Variants in SCP2 observed in about 807,000 individuals in gnomAD.
SCP2 encodes sterol carrier protein 2.
SCP2 carries 48 observed loss-of-function variants against 71.4 expected under a neutral mutation model. The observed-to-expected ratio is 0.67, with a 90% CI of 0.53 to 0.86. SCP2 has a LOEUF of 0.86. SCP2 is among the 40% of genes least tolerant of loss of function. The pLI, the probability that SCP2 is intolerant of heterozygous loss-of-function variation, is 0.00. For missense variants in SCP2, 560 were observed against 655.6 expected, an observed-to-expected ratio of 0.85 and a Z score of 1.59; for synonymous variants, 220 against 218.1, an observed-to-expected ratio of 1.01 and a Z score of -0.08.
At chr1:52,955,578 C>A (rs1655722898) in intron 5 of SCP2, among the ~76,000 whole-genome samples, 1 of 152,132 alleles carries the variant, frequency 6.6e-6, no homozygotes, top group Admixed American at 6.6e-5. Context: ...TAATAAATCA[C>A]AGACTAGCCC....
intron 11 of SCP2, among the ~76,000 whole-genome samples, chr1:53,006,702 T>C (rs2150217375): frequency 6.6e-6 from 1 of 152,324 alleles, no homozygotes; most frequent in East Asian, 1.9e-4. Flanking sequence ...TCATTGATGC[T>C]AGGAAGAAAC....
At chr1:52,942,408 G>C (rs1171173560) in intron 2 of SCP2, among the ~76,000 whole-genome samples, 1 of 152,066 alleles carries the variant, frequency 6.6e-6, no homozygotes, top group Non-Finnish European at 1.5e-5. Flanking sequence ...AACTAACAGG[G>C]AGAAGGATCT....
chr1:52,987,411 G>T (rs1659097805), intron 10 of SCP2, among the ~76,000 whole-genome samples: 1 of 152,168 alleles, frequency 6.6e-6, no homozygotes, highest in South Asian at 2.1e-4. Flanking sequence ...ATCGTAAATA[G>T]ATGTGGAAGA....
At chr1:52,960,598 A>ATATG (rs1352194532) in intron 5 of SCP2, among the ~76,000 whole-genome samples, 1 of 143,718 alleles carries the variant, frequency 7.0e-6, no homozygotes, top group East Asian at 2.0e-4. Context: ...GTATATGTAT[A>ATATG]TATGTATGTA....
chr1:52,948,887 T>C (rs1275853157), intron 3 of SCP2, among the ~76,000 whole-genome samples: 1 of 152,098 alleles, frequency 6.6e-6, no homozygotes, highest in East Asian at 1.9e-4. Flanking sequence ...TCGTTCATCT[T>C]ATAACTGAAA....
At chr1:52,960,522 ATG>A (rs1491178838) in intron 5 of SCP2, among the ~76,000 whole-genome samples, 12 of 124,620 alleles carry the variant, frequency 9.6e-5, no homozygotes, top group African/African-American at 3.8e-4. Flanking sequence ...GTGTGTGTAT[ATG>A]TGTGTATATA....
At chr1:52,937,203 A>G (rs896177874) in intron 1 of SCP2, among the ~76,000 whole-genome samples, 2 of 152,230 alleles carry the variant, frequency 1.3e-5, no homozygotes, top group African/African-American at 4.8e-5. Context: ...AAATAGTAGT[A>G]TAAGAAGGAT....
chr1:53,011,001 G>A (rs1490970413), intron 11 of SCP2, among the ~76,000 whole-genome samples: 2 of 152,106 alleles, frequency 1.3e-5, no homozygotes, highest in Admixed American at 1.3e-4. Context: ...CCTGTTGGGT[G>A]GTCTCTTCAC....
At chr1:53,047,972 T>A in intron 15 of SCP2, 35 bp downstream of exon 15, 2 of 1,441,866 alleles carry the variant, frequency 1.4e-6, no homozygotes, top group Non-Finnish European at 2.0e-6. Flanking sequence ...TGCTAGTAGG[T>A]AGGTCTTTCA....
chr1:53,050,362 G>C (rs572668465), intron 15 of SCP2: 308 of 446,066 alleles, frequency 6.9e-4, no homozygotes, highest in Non-Finnish European at 1.1e-3. Context: ...GGTGAAAACA[G>C]GCTCAATTTC....
At chr1:53,031,675 C>A (rs1662553820) in intron 13 of SCP2, among the ~76,000 whole-genome samples, 2 of 152,148 alleles carry the variant, frequency 1.3e-5, no homozygotes, top group South Asian at 4.2e-4. Context: ...TTTTATTTTC[C>A]CTTTAAACTC....
intron 12 of SCP2, among the ~76,000 whole-genome samples, chr1:53,023,522 C>T (rs1661895778): frequency 6.6e-6 from 1 of 152,144 alleles, no homozygotes; most frequent in African/African-American, 2.4e-5. Context: ...TCACTAAATG[C>T]TTATGATTTG....
intron 14 of SCP2, among the ~76,000 whole-genome samples, chr1:53,040,861 TGTAAGTTCC>T (rs1474557197): frequency 2.6e-5 from 4 of 152,354 alleles, no homozygotes; most frequent in East Asian, 3.8e-4. Context: ...TCACTTGAAT[TGTAAGTTCC>T]TTGAAGACAG....
rs551484573 is a variant in SCP2, at chr1:53,024,577, C to CTT, written c.1236-3382_1236-3381dup. Among the ~76,000 whole-genome samples the CTT allele has an allele frequency of 1.8e-4, 21 of 119,042 alleles. No individual in the cohort carries two copies. The East Asian group carries it at 3.7e-3, about 21-fold the overall frequency. 78.1% of individuals were successfully genotyped at this position (119,042 alleles called of 152,430 possible). A position where few individuals can be genotyped will look rare whatever the true frequency, so the allele number is the denominator to read the frequency against. On this transcript the variant is annotated intron_variant, in intron 12 of 15. Transcript: ENST00000371514. ...TACATTTCTTTCTTTCTTTTTTTTT[C>CTT]TTTTTTTTTTTGAGATGGAGTCTTG...
Position 52,928,100 on chromosome 1 carries a change from C to T in SCP2, c.69+635C>T, listed in dbSNP as rs374322713. The stretch of plus-strand genomic sequence containing the variant: ...TGTACCGTGTATCTTCACCTGTTAA[C>T]TTTTGTGCATCCTGAAAGGATCCGT... On this transcript the variant is annotated intron_variant, in intron 1 of 15. Coordinates refer to ENST00000371514, the MANE Select transcript of SCP2 (RefSeq NM_002979.5). 9.8e-5 allele frequency among the ~76,000 whole-genome samples: 15 copies of T among 152,354 alleles called. No individual in the cohort carries two copies. The South Asian group carries it at 3.1e-3, about 32-fold the overall frequency.
At chr1:52,984,113 A>G (rs892721824) in intron 10 of SCP2, among the ~76,000 whole-genome samples, 3 of 152,170 alleles carry the variant, frequency 2.0e-5, no homozygotes, top group African/African-American at 7.2e-5. Flanking sequence ...TCTCCACTAT[A>G]GACTTCTTCC....
At chr1:52,984,759 ACT>A in intron 10 of SCP2, among the ~76,000 whole-genome samples, 1 of 150,282 alleles carries the variant, frequency 6.7e-6, no homozygotes, top group South Asian at 2.1e-4. Context: ...CTGGTCTCGA[ACT>A]CCTGACCTCA....
intron 12 of SCP2, among the ~76,000 whole-genome samples, 178 bp from the exon 13 acceptor site, chr1:53,027,791 C>G (rs986862595): frequency 1.3e-5 from 2 of 152,232 alleles, no homozygotes; most frequent in African/African-American, 4.8e-5. Flanking sequence ...AGGCATTGAG[C>G]CATCGCGCCC....
At chr1:53,039,446 G>A (rs537706841) in intron 14 of SCP2, among the ~76,000 whole-genome samples, 27 of 152,320 alleles carry the variant, frequency 1.8e-4, no homozygotes, top group African/African-American at 6.3e-4. Context: ...ACGGTCCAGT[G>A]CATGGCTGGT....
Sources: gnomAD v4.1 joint callset for allele counts (sites outside exome capture counted in the v4.1 genomes callset) on GRCh38, gnomAD v4.1.1 for gene constraint, MANE v1.5 for transcripts, NCBI Gene and HGNC (gene_info 2026-07-23, HGNC 2026-07-21) for gene names.